Variants in ARMH4 observed in about 807,000 individuals in gnomAD.
ARMH4 encodes armadillo like helical domain containing 4.
In ARMH4, 49 loss-of-function variants were observed where a neutral mutation model predicts 61.9. The ratio of observed to expected loss-of-function variants is 0.79; its 90% CI spans 0.63 to 1.00. The LOEUF (loss-of-function observed/expected upper bound fraction) is 1.00, where lower values mean the gene tolerates loss of function less well. ARMH4 is among the 50% of genes least tolerant of loss of function. ARMH4 has a pLI of 0.00. For missense variants in ARMH4, 934 were observed against 930.0 expected (o/e 1.00, Z -0.06); for synonymous variants, 368 against 341.5 (o/e 1.08, Z -0.85).
chr14:58,040,198 A>C (rs1313838462), intron 5 of ARMH4, among the ~76,000 whole-genome samples: 1 of 152,036 alleles, frequency 6.6e-6, no homozygotes, highest in African/African-American at 2.4e-5. Flanking sequence ...TCAAGGGTAC[A>C]TGAGCAGGTT....
chr14:58,087,964 T>C (rs1266771036), intron 5 of ARMH4, among the ~76,000 whole-genome samples: 1 of 152,204 alleles, frequency 6.6e-6, no homozygotes, highest in Non-Finnish European at 1.5e-5. Context: ...CCAGTTCTCT[T>C]TCTGACTTTT....
intron 1 of ARMH4, among the ~76,000 whole-genome samples, chr14:58,150,450 G>A (rs1887883807): frequency 1.3e-5 from 2 of 152,180 alleles, no homozygotes; most frequent in East Asian, 1.9e-4. Context: ...TTTAGGTGGG[G>A]AGTGGACATT....
intron 1 of ARMH4, chr14:58,141,503 G>C: frequency 1.9e-6 from 1 of 539,660 alleles, no homozygotes. Context: ...CGCCTGCGAG[G>C]TGGCATTACT....
At chr14:58,050,248 G>C (rs1200768196) in intron 5 of ARMH4, among the ~76,000 whole-genome samples, 1 of 152,250 alleles carries the variant, frequency 6.6e-6, no homozygotes, top group Non-Finnish European at 1.5e-5. Flanking sequence ...TGCAGGTGCA[G>C]TGCTGTGGAA....
chr14:58,032,334 A>G (rs1480704839), intron 5 of ARMH4, among the ~76,000 whole-genome samples: 2 of 152,156 alleles, frequency 1.3e-5, no homozygotes, highest in African/African-American at 2.4e-5. Flanking sequence ...TAGGAGCCCA[A>G]TGAAGGGTAA....
intron 5 of ARMH4, among the ~76,000 whole-genome samples, chr14:58,065,838 G>T (rs1015143928): frequency 6.6e-6 from 1 of 152,234 alleles, no homozygotes; most frequent in African/African-American, 2.4e-5. Context: ...GCAAGCTGTT[G>T]TGAGCTGCAT....
At chr14:58,018,400 A>G (rs1882693753) in intron 5 of ARMH4, among the ~76,000 whole-genome samples, 1 of 152,102 alleles carries the variant, frequency 6.6e-6, no homozygotes, top group Non-Finnish European at 1.5e-5. Flanking sequence ...TATCCAAAAT[A>G]TATAATGAAC....
chr14:58,025,046 ATCCCATGCT>A (rs1225017685), intron 5 of ARMH4, among the ~76,000 whole-genome samples: 1 of 152,174 alleles, frequency 6.6e-6, no homozygotes, highest in Non-Finnish European at 1.5e-5. Flanking sequence ...ACACAGAGTG[ATCCCATGCT>A]ATAGGGAAAA....
intron 5 of ARMH4, among the ~76,000 whole-genome samples, chr14:58,035,050 G>A (rs1181081702): frequency 1.6e-3 from 229 of 140,426 alleles, no homozygotes; most frequent in Middle Eastern, 7.4e-3. Context: ...TGCACCAAGC[G>A]GACCTAATAG....
At chr14:58,047,450 G>A (rs1677130220) in intron 5 of ARMH4, among the ~76,000 whole-genome samples, 1 of 152,154 alleles carries the variant, frequency 6.6e-6, no homozygotes, top group Admixed American at 6.5e-5. Context: ...ACTGTTCTAA[G>A]CCCTTTACAT....
chr14:58,129,741 C>T (rs994330239), intron 4 of ARMH4, among the ~76,000 whole-genome samples: 1 of 152,152 alleles, frequency 6.6e-6, no homozygotes, highest in East Asian at 1.9e-4. Flanking sequence ...GTATTATTAA[C>T]GTATACTAAT....
rs1469150662 is a variant in ARMH4 at position 58,003,531 on chromosome 14, C to G, written c.*1205G>C. On this transcript the variant is annotated 3_prime_UTR_variant, in exon 8 of 8. Coordinates refer to ENST00000267485, the MANE Select transcript of ARMH4 (RefSeq NM_001001872.4). ...CCATGGCAATGAGCCAAGCCTTTACCCCAAAACTCAACTACAAATCCTCAA... is the reference window on the plus strand; with the variant it reads ...CCATGGCAATGAGCCAAGCCTTTACGCCAAAACTCAACTACAAATCCTCAA... 1 of 152,180 alleles carries G rather than the reference C, an allele frequency of 6.6e-6. No individual in the cohort carries two copies. The highest frequency in any genetic ancestry group is 1.5e-5 in the Non-Finnish European group (1 of 68,036). 9.4% of individuals were successfully genotyped at this position (152,180 alleles called of 1,614,324 possible).
chr14:58,115,193 C>G (rs1471838694), intron 4 of ARMH4, among the ~76,000 whole-genome samples: 2 of 152,024 alleles, frequency 1.3e-5, no homozygotes, highest in East Asian at 3.9e-4. Flanking sequence ...AAACTATCCA[C>G]TCAACAAATG....
At chr14:58,112,286 C>CTTTTTTTTTTTTTTTTTTTTTT (rs375451865) in intron 4 of ARMH4, among the ~76,000 whole-genome samples, 1 of 133,404 alleles carries the variant, frequency 7.5e-6, no homozygotes, top group Non-Finnish European at 1.6e-5. Flanking sequence ...CTTAATTTTT[C>CTTTTTTTTTTTTTTTTTTTTTT]TTTTTTTTTT....
intron 5 of ARMH4, among the ~76,000 whole-genome samples, chr14:58,028,771 TTAAAAA>T (rs1366171851): frequency 6.6e-6 from 1 of 152,172 alleles, no homozygotes; most frequent in African/African-American, 2.4e-5. Flanking sequence ...AGTTGCATAT[TTAAAAA>T]TTTTGTTGTA....
chr14:58,147,594 T>C (rs1039366451), intron 1 of ARMH4, among the ~76,000 whole-genome samples: 2 of 152,148 alleles, frequency 1.3e-5, no homozygotes, highest in Non-Finnish European at 2.9e-5. Flanking sequence ...ATTATAGGTG[T>C]GAGCCACCAC....
At chr14:58,021,147 A>G (rs1072045) in intron 5 of ARMH4, among the ~76,000 whole-genome samples, 87,395 of 152,026 alleles carry the variant, frequency 0.57, 25,281 homozygotes, top group East Asian at 0.67. Flanking sequence ...ACATTAGGAG[A>G]GTATTTACCC....
intron 1 of ARMH4, among the ~76,000 whole-genome samples, chr14:58,146,418 C>G (rs1887732845): frequency 6.6e-6 from 1 of 152,192 alleles, no homozygotes; most frequent in African/African-American, 2.4e-5. Context: ...AAGCTCTAAC[C>G]AAATTACCAA....
At chr14:58,120,383 A>G (rs1886686177) in intron 4 of ARMH4, among the ~76,000 whole-genome samples, 1 of 152,050 alleles carries the variant, frequency 6.6e-6, no homozygotes, top group South Asian at 2.1e-4. Context: ...AAAGACACAC[A>G]GGGGTATACA....
Sources: allele counts gnomAD v4.1 joint callset (sites outside exome capture counted in the v4.1 genomes callset), GRCh38; gene constraint gnomAD v4.1.1; transcripts MANE v1.5; gene names NCBI Gene and HGNC (gene_info 2026-07-23, HGNC 2026-07-21).